Variants in ZNF438 observed in about 807,000 individuals in gnomAD.
ZNF438 encodes the protein zinc finger protein 438.
Under a neutral mutation model 38.0 loss-of-function variants are expected in ZNF438, and 25 were observed. The observed-to-expected ratio is 0.66, with a 90% CI of 0.48 to 0.92. The LOEUF is 0.92. Among genes scored for constraint, ZNF438 ranks in the 40% least tolerant of loss-of-function variants. The pLI is 0.00. For missense variants in ZNF438, 1,007 were observed against 999.6 expected (o/e 1.01, Z -0.10); for synonymous variants, 372 against 364.1 (o/e 1.02, Z -0.25).
rs2049415241 is a variant in ZNF438, at chr10:30,961,141, C to T, written c.-191-19490G>A. ...CAGATTTATCTTACTTTATATAAGC[C>T]TGTTTCTTAAAAAAAAAAAAAGTTT... On this transcript the variant is annotated intron_variant, in intron 1 of 5. Coordinates refer to ENST00000413025, the Ensembl canonical transcript of ZNF438. 2.8e-5 allele frequency among the ~76,000 whole-genome samples: 4 copies of T among 141,526 alleles called. No individual in the cohort carries two copies. The Admixed American group carries it at 2.9e-4, about 10-fold the overall frequency. 92.8% of individuals were successfully genotyped at this position (141,526 alleles called of 152,430 possible).
chr10:30,859,115 C>CT (rs1257256863), intron 4 of ZNF438, among the ~76,000 whole-genome samples: 1 of 152,182 alleles, frequency 6.6e-6, no homozygotes, highest in Non-Finnish European at 1.5e-5. Context: ...GGGTCTCACT[C>CT]TGTCACTCAG....
chr10:30,998,895 T>C (rs2054351597), intron 1 of ZNF438, among the ~76,000 whole-genome samples: 1 of 152,200 alleles, frequency 6.6e-6, no homozygotes. Context: ...AAAAGATTTC[T>C]CTATTTCCAT....
intron 1 of ZNF438, among the ~76,000 whole-genome samples, chr10:31,009,204 T>C (rs377105184): frequency 1.3e-5 from 2 of 152,230 alleles, no homozygotes; most frequent in African/African-American, 4.8e-5. Flanking sequence ...TTACCCTGTA[T>C]ACCTCATCTA....
intron 1 of ZNF438, among the ~76,000 whole-genome samples, chr10:31,019,739 T>C (rs954008285): frequency 3.2e-4 from 48 of 152,248 alleles, no homozygotes; most frequent in African/African-American, 1.1e-3. Flanking sequence ...TTGTTGTTTT[T>C]TGTAGAAGCG....
Position 30,880,666 on chromosome 10 carries a change from A to G in ZNF438, c.-31-3601T>C, listed in dbSNP as rs557223358. Among the ~76,000 whole-genome samples, 42 of 152,268 alleles carry G rather than the reference A, an allele frequency of 2.8e-4. No homozygotes were observed. The South Asian group carries it at 8.1e-3, about 29-fold the overall frequency. On this transcript the variant is annotated intron_variant, in intron 3 of 5. Transcript: ENST00000413025. ...TATCTAAAAAGGCCGGATTATCTAG[A>G]TATCAAAACCAGACAAATCCAGACA...
intron 1 of ZNF438, among the ~76,000 whole-genome samples, chr10:30,945,060 T>A (rs1415710525): frequency 1.3e-5 from 2 of 151,862 alleles, no homozygotes; most frequent in African/African-American, 2.4e-5. Flanking sequence ...TTTTTTTTTT[T>A]ACTGATATTC....
chr10:30,928,179 T>C (rs778928211), intron 2 of ZNF438, among the ~76,000 whole-genome samples: 2 of 152,198 alleles, frequency 1.3e-5, no homozygotes, highest in Admixed American at 6.5e-5. Flanking sequence ...ATTTACACAC[T>C]AGAATTTAGA....
chr10:30,972,797 T>A (rs1456789791), intron 1 of ZNF438, among the ~76,000 whole-genome samples: 1 of 152,206 alleles, frequency 6.6e-6, no homozygotes, highest in East Asian at 1.9e-4. Context: ...ATTCAATGAT[T>A]ATGGGAGGCC....
chr10:31,026,373 A>T (rs1220068753), intron 1 of ZNF438, among the ~76,000 whole-genome samples: 1 of 139,392 alleles, frequency 7.2e-6, no homozygotes, highest in Non-Finnish European at 1.5e-5. Flanking sequence ...CAATCTACAA[A>T]GAACTTAAAC....
At chr10:31,005,306 C>T (rs528119122) in intron 1 of ZNF438, among the ~76,000 whole-genome samples, 91 of 152,040 alleles carry the variant, frequency 6.0e-4, no homozygotes, top group African/African-American at 2.1e-3. Context: ...CATGCACGTA[C>T]GTAAATGGAA....
At chr10:30,957,403 T>C (rs1374742439) in intron 1 of ZNF438, among the ~76,000 whole-genome samples, 1 of 152,216 alleles carries the variant, frequency 6.6e-6, no homozygotes, top group Non-Finnish European at 1.5e-5. Context: ...GTAATCCCAT[T>C]TGTTTATTTT....
At chr10:30,854,384 G>C (rs548357030) in intron 4 of ZNF438, among the ~76,000 whole-genome samples, 1 of 152,192 alleles carries the variant, frequency 6.6e-6, no homozygotes, top group African/African-American at 2.4e-5. Flanking sequence ...AGAGGACAGG[G>C]AGTTGGTCTG....
chr10:30,940,594 G>A (rs2046715199), intron 2 of ZNF438, among the ~76,000 whole-genome samples: 1 of 152,214 alleles, frequency 6.6e-6, no homozygotes, highest in Non-Finnish European at 1.5e-5. Context: ...CAGGATCTTC[G>A]TGGGAGGCTT....
At chr10:30,915,190 A>C (rs1004761822) in intron 2 of ZNF438, among the ~76,000 whole-genome samples, 1 of 152,060 alleles carries the variant, frequency 6.6e-6, no homozygotes, top group Admixed American at 6.6e-5. Context: ...TTTGTGCCCT[A>C]TGAAGTTTAA....
intron 2 of ZNF438, among the ~76,000 whole-genome samples, chr10:30,928,032 C>T (rs559049828): frequency 2.6e-5 from 4 of 152,124 alleles, no homozygotes; most frequent in South Asian, 2.1e-4. Flanking sequence ...TTTGGGTCTC[C>T]GTACAATAAG....
intron 1 of ZNF438, among the ~76,000 whole-genome samples, chr10:30,954,827 T>G (rs546212499): frequency 6.6e-6 from 1 of 152,184 alleles, no homozygotes; most frequent in Non-Finnish European, 1.5e-5. Context: ...AACAGGCTTT[T>G]GGACTCTCAA....
intron 1 of ZNF438, among the ~76,000 whole-genome samples, chr10:30,975,104 T>TA (rs1307809268): frequency 6.6e-6 from 1 of 152,164 alleles, no homozygotes; most frequent in Admixed American, 6.5e-5. Flanking sequence ...AAAAGTAACT[T>TA]AGTGACAGCA....
At chr10:31,009,282 C>G (rs1291483141) in intron 1 of ZNF438, among the ~76,000 whole-genome samples, 1 of 152,116 alleles carries the variant, frequency 6.6e-6, no homozygotes, top group Non-Finnish European at 1.5e-5. Flanking sequence ...ACAGAATTGG[C>G]ATGTGATTAA....
intron 2 of ZNF438, among the ~76,000 whole-genome samples, chr10:30,917,525 A>C (rs1189076818): frequency 6.6e-6 from 1 of 152,064 alleles, no homozygotes; most frequent in Non-Finnish European, 1.5e-5. Flanking sequence ...TCTCATTCTC[A>C]TTTTAACCTG....
Sources: gnomAD v4.1 joint callset for allele counts (sites outside exome capture counted in the v4.1 genomes callset) on GRCh38, gnomAD v4.1.1 for gene constraint, MANE v1.5 for transcripts, NCBI Gene and HGNC (gene_info 2026-07-23, HGNC 2026-07-21) for gene names.